The following UGT1A8 variants were observed in gnomAD, a reference collection of about 807,000 sequenced individuals.
UGT1A8 encodes UDP glucuronosyltransferase family 1 member A8, also known as UDP-glucuronosyltransferase 1A8.
UGT1A8 carries 39 observed loss-of-function variants against 45.3 expected under a neutral mutation model. That is an observed-to-expected ratio of 0.86 (90% CI 0.67 to 1.12). The LOEUF is 1.12. UGT1A8 is among the 50% of genes most tolerant of loss of function. UGT1A8 has a pLI of 0.00. For missense variants in UGT1A8, 719 were observed against 664.9 expected, an observed-to-expected ratio of 1.08 and a Z score of -0.90; for synonymous variants, 275 against 249.2, an observed-to-expected ratio of 1.10 and a Z score of -0.97.
At chr2:233,646,905 T>C (rs755208192) in intron 1 of UGT1A8, among the ~76,000 whole-genome samples, 21 of 152,200 alleles carry the variant, frequency 1.4e-4, no homozygotes, top group Admixed American at 1.3e-3. Context: ...ACCAATTGAC[T>C]GTATTAGTCT....
intron 1 of UGT1A8, among the ~76,000 whole-genome samples, chr2:233,645,109 A>T (rs1346450322): frequency 6.6e-6 from 1 of 152,210 alleles, no homozygotes; most frequent in Non-Finnish European, 1.5e-5. Flanking sequence ...ACAATCCCTT[A>T]CTGGCAATGC....
intron 1 of UGT1A8, chr2:233,730,102 T>C (rs972272241): frequency 1.9e-6 from 3 of 1,578,724 alleles, no homozygotes; most frequent in East Asian, 2.3e-5. Context: ...AAATATTTCA[T>C]TTCTGCTTCT....
At chr2:233,706,339 C>T (rs1257553427) in intron 1 of UGT1A8, among the ~76,000 whole-genome samples, 2 of 152,090 alleles carry the variant, frequency 1.3e-5, no homozygotes, top group Admixed American at 6.5e-5. Context: ...AGCTGGTGAC[C>T]CTGAAAAAAC....
chr2:233,672,395 G>T (rs2074225394), intron 1 of UGT1A8: 1 of 1,614,000 alleles, frequency 6.2e-7, no homozygotes, highest in Non-Finnish European at 8.5e-7. Flanking sequence ...GATAACTGTG[G>T]CTTAATTGTT....
intron 1 of UGT1A8, chr2:233,747,412 T>C: frequency 6.2e-7 from 1 of 1,607,344 alleles, no homozygotes; most frequent in East Asian, 2.2e-5. Context: ...GAGGTGAATA[T>C]GCACATCAAA....
At chr2:233,768,744 G>A (rs903121977) in intron 4 of UGT1A8, among the ~76,000 whole-genome samples, 12 of 151,626 alleles carry the variant, frequency 7.9e-5, no homozygotes, top group African/African-American at 2.4e-4. Context: ...CACCACGCCC[G>A]GTTAATTTTT....
intron 1 of UGT1A8, among the ~76,000 whole-genome samples, chr2:233,640,689 C>T (rs1424673785): frequency 6.6e-6 from 1 of 152,092 alleles, no homozygotes; most frequent in Non-Finnish European, 1.5e-5. Context: ...CAACAGTGAC[C>T]CTCCCCAATT....
At chr2:233,742,936 C>T (rs78644424) in intron 1 of UGT1A8, 5,022 of 211,572 alleles carry the variant, frequency 0.024, 84 homozygotes, top group Non-Finnish European at 0.03. Flanking sequence ...ACATTCTGTC[C>T]TACCACTAGC....
At chr2:233,652,495 A>G (rs1267985102) in intron 1 of UGT1A8, among the ~76,000 whole-genome samples, 1 of 152,226 alleles carries the variant, frequency 6.6e-6, no homozygotes, top group East Asian at 1.9e-4. Context: ...AGAAATAAGG[A>G]AAAAAGGAAA....
intron 1 of UGT1A8, among the ~76,000 whole-genome samples, chr2:233,694,553 C>T (rs2075225840): frequency 6.6e-6 from 1 of 152,172 alleles, no homozygotes; most frequent in Admixed American, 6.5e-5. Context: ...AAATAAAAAT[C>T]TGTGAGTTTT....
chr2:233,653,752 A>G (rs1368375987), intron 1 of UGT1A8, among the ~76,000 whole-genome samples: 1 of 152,134 alleles, frequency 6.6e-6, no homozygotes, highest in Non-Finnish European at 1.5e-5. Flanking sequence ...GCCCACCACC[A>G]CAGTCAGCAA....
chr2:233,698,492 T>C lies in UGT1A8; in HGVS notation c.856-68542T>C, dbSNP rs1274345371. ...GATTTATAGCTTAAAAATGCAGTCC[T>C]CATTAGGCAAATCACATAATCGGCA... On this transcript the variant is annotated intron_variant, in intron 1 of 4. Transcript: ENST00000373450. Among the ~76,000 whole-genome samples, 3 of 152,190 alleles carry C rather than the reference T, an allele frequency of 2.0e-5. No individual in the cohort carries two copies. The East Asian group carries it at 5.8e-4, about 29-fold the overall frequency.
In UGT1A8 at chr2:233,769,701, C is replaced by A. The variant is rs2126047704; in HGVS notation, c.1295+1262C>A. 1 of 1,525,142 alleles carries A rather than the reference C, an allele frequency of 6.6e-7. No homozygotes were observed. The highest frequency in any genetic ancestry group is 2.0e-5 in the Admixed American group (1 of 50,446). 94.5% of individuals were successfully genotyped at this position (1,525,142 alleles called of 1,614,324 possible). On this transcript the variant is annotated intron_variant, in intron 4 of 4. Transcript: ENST00000373450. This position sits in a 1 kb window ranked among gnomAD's most constrained non-coding sequence, Gnocchi z 4.4. ...TGTGTGGTGGCACTGGATAAAAGAT[C>A]AATGTTGGCTAGGCACCATGGCACA...
chr2:233,617,795 G>A lies in UGT1A8; in HGVS notation c.88G>A (p.Val30Ile), dbSNP rs779816593. ...CTTTGCTGAGGCAGGGAAGCTGCTG[G>A]TAGTGCCCATGGATGGGAGTCACTG... ...CGFAEAGKLL[V>I]VPMDGSHWFT... is the part of the protein sequence containing the mutation. The change falls in exon 1 of 5, where the codon GTA becomes ATA. Residue 30 changes from valine (V) to isoleucine (I), a missense_variant. Coordinates refer to ENST00000373450, the MANE Select transcript of UGT1A8 (RefSeq NM_019076.5). The A allele has an allele frequency of 1.9e-6, 3 of 1,614,076 alleles. No individual in the cohort carries two copies. The highest frequency in any genetic ancestry group is 2.2e-5 in the South Asian group (2 of 91,074).
intron 1 of UGT1A8, among the ~76,000 whole-genome samples, chr2:233,631,602 T>C (rs1424920638): frequency 6.6e-6 from 1 of 152,240 alleles, no homozygotes; most frequent in African/African-American, 2.4e-5. Flanking sequence ...TGATCGGCTT[T>C]TTTTGATATG....
chr2:233,632,984 T>A (rs189967464), intron 1 of UGT1A8, among the ~76,000 whole-genome samples: 25 of 152,292 alleles, frequency 1.6e-4, no homozygotes, highest in African/African-American at 6.0e-4. Flanking sequence ...TAAATAACTT[T>A]TATTATTTTG....
At chr2:233,700,539 G>A (rs1353937482) in intron 1 of UGT1A8, among the ~76,000 whole-genome samples, 1 of 152,120 alleles carries the variant, frequency 6.6e-6, no homozygotes, top group East Asian at 1.9e-4. Flanking sequence ...CTAGGAGAAT[G>A]AGAATAAGGG....
At chr2:233,711,625 C>T (rs1317772473) in intron 1 of UGT1A8, among the ~76,000 whole-genome samples, 1 of 152,184 alleles carries the variant, frequency 6.6e-6, no homozygotes, top group Non-Finnish European at 1.5e-5. Context: ...CAGCTCCATT[C>T]GCTGCCTGTC....
rs769739364 is a variant in UGT1A8, at chr2:233,618,133, T to C, written c.426T>C (p.Phe142=). 3 of 1,614,202 alleles carry C rather than the reference T, an allele frequency of 1.9e-6. No homozygotes were observed. The East Asian group carries it at 6.7e-5, about 36-fold the overall frequency. ...KLVEYLKESS[F]DAVFLDPFDA... ...TAGAATACTTAAAGGAGAGTTCTTT[T>C]GATGCGGTGTTTCTTGATCCTTTTG... Residue 142 remains phenylalanine, a synonymous_variant, in exon 1 of 5, where the codon TTT becomes TTC. Transcript: ENST00000373450.
Sources: allele counts gnomAD v4.1 joint callset (sites outside exome capture counted in the v4.1 genomes callset), GRCh38; gene constraint gnomAD v4.1.1; non-coding constraint Gnocchi (gnomAD v3.1); transcripts MANE v1.5; gene names NCBI Gene and HGNC (gene_info 2026-07-23, HGNC 2026-07-21).